Variants in VAV2 observed in about 807,000 individuals in gnomAD.
VAV2 encodes the protein guanine nucleotide exchange factor VAV2.
A neutral mutation model predicts 132.5 loss-of-function variants in VAV2; 67 were observed. The ratio of observed to expected loss-of-function variants is 0.51; its 90% CI spans 0.42 to 0.62. VAV2 has a LOEUF of 0.62. Ranked by LOEUF, VAV2 falls within the 20% of genes least tolerant of loss-of-function variation. The pLI is 0.00. For missense variants in VAV2, 938 were observed against 1,153.6 expected (o/e 0.81, Z 2.71); for synonymous variants, 492 against 443.5 (o/e 1.11, Z -1.37).
rs542268927 is a variant in VAV2, at chr9:133,806,003, A to T, written c.836+78T>A. 2.9e-4 allele frequency: 425 copies of T among 1,468,808 alleles called. 1 individual carries two copies. The African/African-American group carries it at 5.4e-3, about 19-fold the overall frequency. The allele number at this position is 1,468,808 out of a possible 1,614,324, so 91.0% of individuals were successfully genotyped here. A position where few individuals can be genotyped will look rare whatever the true frequency, so the allele number is the denominator to read the frequency against. On this transcript the variant is annotated intron_variant, in intron 9 of 29. Coordinates refer to ENST00000371850, the MANE Select transcript of VAV2 (RefSeq NM_001134398.2). ...TCGGGACACCCCAAGAGTCCCACTT[A>T]CACAAGAGTTCCACTTGTGTAAACT... is the stretch of plus-strand genomic sequence containing the variant.
chr9:133,971,073 C>A (rs553565539), intron 1 of VAV2, among the ~76,000 whole-genome samples: 1 of 152,168 alleles, frequency 6.6e-6, no homozygotes, highest in Non-Finnish European at 1.5e-5. Flanking sequence ...GTGCCTCCTG[C>A]GGGGAGTGGG....
At position 133,961,888 on chromosome 9, in the gene VAV2, C is replaced by T. The variant is rs1841977287; in HGVS notation, c.205-22669G>A. ...AGACCCTCACCGTGAGCCTCATCCA[C>T]CCAGAGGGTGCCCCCACCCTGACTC... On this transcript the variant is annotated intron_variant, in intron 1 of 29. Transcript: ENST00000371850. The surrounding 1 kb of genome is among the most constrained non-coding windows in gnomAD (Gnocchi z 4.1). Among the ~76,000 whole-genome samples, 1 of 152,142 alleles carries T rather than the reference C, an allele frequency of 6.6e-6. No individual in the cohort carries two copies. The highest frequency in any genetic ancestry group is 2.4e-5 in the African/African-American group (1 of 41,448).
chr9:133,792,677 G>GCCC (rs1834540054), intron 12 of VAV2, among the ~76,000 whole-genome samples: 1 of 58,614 alleles, frequency 1.7e-5, no homozygotes, highest in African/African-American at 9.5e-5. Context: ...GCCCCCAAGG[G>GCCC]ACCCCCCCCC....
chr9:133,991,949 T>A lies in VAV2; in HGVS notation c.204+126A>T, dbSNP rs1484474276. 1.3e-6 allele frequency: 1 copy of A among 783,722 alleles called. No individual in the cohort carries two copies. The highest frequency in any genetic ancestry group is 1.6e-6 in the Non-Finnish European group (1 of 618,640). The allele number at this position is 783,722 out of a possible 1,614,324, so 48.5% of individuals were successfully genotyped here. ...CGCACCCTCCAGCCGCCCGCCCGCGTCCCGGAGCCCGGCCGCCCCAGCCAG... is the reference window on the plus strand; with the variant it reads ...CGCACCCTCCAGCCGCCCGCCCGCGACCCGGAGCCCGGCCGCCCCAGCCAG... On this transcript the variant is annotated intron_variant, in intron 1 of 29. Coordinates refer to ENST00000371850, the MANE Select transcript of VAV2 (RefSeq NM_001134398.2). This position sits in a 1 kb window ranked among gnomAD's most constrained non-coding sequence, Gnocchi z 4.8.
intron 1 of VAV2, among the ~76,000 whole-genome samples, chr9:133,948,909 G>A (rs1841462608): frequency 6.6e-6 from 1 of 152,218 alleles, no homozygotes. Context: ...AATCCAGGTG[G>A]TCTGGTCCTG....
intron 11 of VAV2, 99 bp from the exon 12 acceptor site, chr9:133,795,835 T>A: frequency 7.3e-7 from 1 of 1,373,156 alleles, no homozygotes; most frequent in Non-Finnish European, 1.0e-6. Context: ...AACCAAGTCC[T>A]CAGAAGAAAG....
Position 133,912,839 on chromosome 9 carries a change from G to A in VAV2, c.321+26264C>T, listed in dbSNP as rs74797284. Among the ~76,000 whole-genome samples the A allele has an allele frequency of 6.6e-3, 1,011 of 152,314 alleles. 13 individuals carry two copies. Among genetic ancestry groups the A allele is most frequent in the African/African-American group, 0.023 (940 of 41,556 alleles). On this transcript the variant is annotated intron_variant, in intron 2 of 29. Coordinates refer to ENST00000371850, the MANE Select transcript of VAV2 (RefSeq NM_001134398.2). This position sits in a 1 kb window ranked among gnomAD's most constrained non-coding sequence, Gnocchi z 4.3. ...GTCCCTCTAAAATCAGAGTCGTCCT[G>A]TGAGCCAGTGACCACTCGTCCCAAA...
rs552156565 is a variant in VAV2, at chr9:133,817,247, T to C, written c.450-5031A>G. Among the ~76,000 whole-genome samples the C allele has an allele frequency of 2.7e-5, 4 of 146,956 alleles. No homozygotes were observed. The South Asian group carries it at 8.8e-4, about 32-fold the overall frequency. ...AATGTTTATTCTGCTTCCTTCATTC[T>C]TCCTCTTCTGAGAGACTGCAATAAT... On this transcript the variant is annotated intron_variant, in intron 4 of 29. Coordinates refer to ENST00000371850, the MANE Select transcript of VAV2 (RefSeq NM_001134398.2).
chr9:133,856,068 TA>T (rs1270397423), intron 3 of VAV2, among the ~76,000 whole-genome samples: 4 of 152,216 alleles, frequency 2.6e-5, no homozygotes, highest in Non-Finnish European at 5.9e-5. Flanking sequence ...GCACGCACCG[TA>T]TGATTCCATG....
chr9:133,949,301 G>A (rs141843700), intron 1 of VAV2, among the ~76,000 whole-genome samples: 27 of 152,198 alleles, frequency 1.8e-4, no homozygotes, highest in East Asian at 7.7e-4. Flanking sequence ...ACCCAATTCC[G>A]GTGCCTTCCA....
At chr9:133,971,253 G>T (rs1314692215) in intron 1 of VAV2, among the ~76,000 whole-genome samples, 1 of 152,166 alleles carries the variant, frequency 6.6e-6, no homozygotes, top group South Asian at 2.1e-4. Context: ...AGCCCTCTGG[G>T]GGTCAGACCC....
chr9:133,893,340 C>T (rs990150551), intron 2 of VAV2, among the ~76,000 whole-genome samples: 25 of 152,272 alleles, frequency 1.6e-4, no homozygotes, highest in South Asian at 4.1e-4. Context: ...GAAGGAGGCT[C>T]GGGTGGCGAA....
intron 2 of VAV2, among the ~76,000 whole-genome samples, chr9:133,920,164 A>G (rs1840244302): frequency 6.6e-6 from 1 of 151,940 alleles, no homozygotes; most frequent in Admixed American, 6.6e-5. Context: ...GGGATCTGCC[A>G]TCAAAGGCAG....
In VAV2 at chr9:133,785,798, T is replaced by G. The variant is rs1218813414; in HGVS notation, c.1510A>C (p.Met504Leu). Residue 504 changes from methionine (M) to leucine (L), a missense_variant, in exon 17 of 30, where the codon ATG becomes CTG. Met to Leu is a conservative substitution (Grantham distance 15). Coordinates refer to ENST00000371850, the MANE Select transcript of VAV2 (RefSeq NM_001134398.2). ...CKTEDMKRKW[M>L]EQFEMAMSNI... Reference sequence around the variant, plus strand: ...CACATGGCCATCTCAAACTGCTCCATCCACTTCCTCTTCATATCTTCTGTT... The same window carrying G: ...CACATGGCCATCTCAAACTGCTCCAGCCACTTCCTCTTCATATCTTCTGTT... The G allele has an allele frequency of 2.5e-6, 4 of 1,613,882 alleles. No individual in the cohort carries two copies. The highest frequency in any genetic ancestry group is 3.4e-6 in the Non-Finnish European group (4 of 1,179,996).
At position 133,928,430 on chromosome 9, in the gene VAV2, G is replaced by T. The variant is rs1034490678; in HGVS notation, c.321+10673C>A. Among the ~76,000 whole-genome samples the T allele has an allele frequency of 1.3e-5, 2 of 152,336 alleles. No individual in the cohort carries two copies. Among genetic ancestry groups the T allele is most frequent in the Middle Eastern group, 3.4e-3 (1 of 294 alleles). ...CTCCCCACCCCAGCGAGGAGCGACT[G>T]CATTTTAATAAGTAATTAGTGTGGA... is the stretch of plus-strand genomic sequence containing the variant. On this transcript the variant is annotated intron_variant, in intron 2 of 29. Transcript: ENST00000371850. This position sits in a 1 kb window ranked among gnomAD's most constrained non-coding sequence, Gnocchi z 5.4.
rs1280031766 is a variant in VAV2 at position 133,834,534 on chromosome 9, AGAG to A, written c.381-197_381-195del. Among the ~76,000 whole-genome samples, 1 of 152,278 alleles carries A rather than the reference AGAG, an allele frequency of 6.6e-6. No homozygotes were observed. The highest frequency in any genetic ancestry group is 1.5e-5 in the Non-Finnish European group (1 of 68,054). Reference sequence around the variant, plus strand: ...GACGAGCCAACTGGGCCATAGGGCAAGAGGAGACCCATGCCTACTTGCCAGGGG... The same window carrying A: ...GACGAGCCAACTGGGCCATAGGGCAAGAGACCCATGCCTACTTGCCAGGGG... On this transcript the variant is annotated intron_variant, in intron 3 of 29. Transcript: ENST00000371850. The surrounding 1 kb of genome is among the most constrained non-coding windows in gnomAD (Gnocchi z 5.9).
At chr9:133,954,933 A>T (rs762260943) in intron 1 of VAV2, among the ~76,000 whole-genome samples, 2 of 152,170 alleles carry the variant, frequency 1.3e-5, no homozygotes, top group Non-Finnish European at 2.9e-5. Flanking sequence ...TAAGATGTAA[A>T]CAGATTTTTC....
At chr9:133,894,894 C>T (rs1261017328) in intron 2 of VAV2, among the ~76,000 whole-genome samples, 7 of 152,214 alleles carry the variant, frequency 4.6e-5, no homozygotes, top group Non-Finnish European at 7.3e-5. Flanking sequence ...TAGCCCTCAC[C>T]GGCCCTAGAC....
At chr9:133,828,981 C>G (rs1435214015) in intron 4 of VAV2, among the ~76,000 whole-genome samples, 2 of 152,172 alleles carry the variant, frequency 1.3e-5, no homozygotes, top group African/African-American at 2.4e-5. Context: ...CTTTCTGACC[C>G]AGCACTCCGC....
Sources: allele counts gnomAD v4.1 joint callset (sites outside exome capture counted in the v4.1 genomes callset), GRCh38; gene constraint gnomAD v4.1.1; non-coding constraint Gnocchi (gnomAD v3.1); transcripts MANE v1.5; gene names NCBI Gene and HGNC (gene_info 2026-07-23, HGNC 2026-07-21).